MAP3K13: variants seen among roughly 807,000 people sequenced by gnomAD.
MAP3K13 encodes the protein leucine zipper-bearing kinase.
MAP3K13 carries 52 observed loss-of-function variants against 104.0 expected under a neutral mutation model. The observed-to-expected ratio is 0.50, with a 90% CI of 0.40 to 0.63. MAP3K13 has a LOEUF of 0.63. Among genes scored for constraint, MAP3K13 ranks in the 20% least tolerant of loss-of-function variants. MAP3K13 has a pLI of 0.00. For missense variants in MAP3K13, 914 were observed against 1,218.5 expected, an observed-to-expected ratio of 0.75 and a Z score of 3.72; for synonymous variants, 394 against 442.2, an observed-to-expected ratio of 0.89 and a Z score of 1.37.
intron 2 of MAP3K13, among the ~76,000 whole-genome samples, chr3:185,290,258 A>G (rs1192510218): frequency 6.6e-6 from 1 of 152,204 alleles, no homozygotes; most frequent in African/African-American, 2.4e-5. Context: ...AGTAATTCAT[A>G]TCCACTTTAC....
At chr3:185,294,419 CT>C (rs1462057013) in intron 2 of MAP3K13, among the ~76,000 whole-genome samples, 2 of 152,150 alleles carry the variant, frequency 1.3e-5, no homozygotes, top group African/African-American at 4.8e-5. Context: ...CCTGGAATTA[CT>C]TATTTAAACT....
chr3:185,444,342 A>AC (rs1213074865), intron 4 of MAP3K13, among the ~76,000 whole-genome samples: 1 of 56,848 alleles, frequency 1.8e-5, no homozygotes, highest in African/African-American at 3.8e-5. Context: ...TCTCAAAAAA[A>AC]AAATAATAAA....
chr3:185,418,573 G>T lies in MAP3K13; in HGVS notation c.-85-9924G>T, dbSNP rs1394910120. On this transcript the variant is annotated intron_variant, in intron 1 of 13. Coordinates refer to ENST00000265026, the MANE Select transcript of MAP3K13 (RefSeq NM_004721.5). This position sits in a 1 kb window ranked among gnomAD's most constrained non-coding sequence, Gnocchi z 4.5. ...GGGAATTCGAGCCATAGCTCTGCCA[G>T]TACCCCAAGACTCAGCACTGGTCTG... 5 of 1,612,372 alleles carry T rather than the reference G, an allele frequency of 3.1e-6. No homozygotes were observed. The highest frequency in any genetic ancestry group is 1.7e-5 in the Admixed American group (1 of 60,018).
At chr3:185,325,818 T>C (rs541496738) in intron 2 of MAP3K13, among the ~76,000 whole-genome samples, 48 of 152,336 alleles carry the variant, frequency 3.2e-4, no homozygotes, top group Non-Finnish European at 5.6e-4. Context: ...GACTACTTTT[T>C]TGGGCCTCAC....
chr3:185,423,912 C>T lies in MAP3K13; in HGVS notation c.-85-4585C>T, dbSNP rs918018748. ...AGTGCTCTTGTTCGCCCCTGATTTC[C>T]TTCCGTCTGTCACACGCCTTACCTT... On this transcript the variant is annotated intron_variant, in intron 1 of 13. Coordinates refer to ENST00000265026, the MANE Select transcript of MAP3K13 (RefSeq NM_004721.5). This position sits in a 1 kb window ranked among gnomAD's most constrained non-coding sequence, Gnocchi z 4.1. Among the ~76,000 whole-genome samples, 1 of 152,218 alleles carries T rather than the reference C, an allele frequency of 6.6e-6. No homozygotes were observed. Among genetic ancestry groups the T allele is most frequent in the African/African-American group, 2.4e-5 (1 of 41,452 alleles).
chr3:185,462,246 G>A (rs1717149569), intron 7 of MAP3K13, among the ~76,000 whole-genome samples: 1 of 152,134 alleles, frequency 6.6e-6, no homozygotes, highest in Non-Finnish European at 1.5e-5. Context: ...TATTCCAGTA[G>A]TGGTTTTTTT....
chr3:185,454,863 T>C (rs1716296202), intron 7 of MAP3K13, among the ~76,000 whole-genome samples: 1 of 55,248 alleles, frequency 1.8e-5, no homozygotes, highest in African/African-American at 5.2e-5. Context: ...ATACATGATA[T>C]ATATATGAGA....
At chr3:185,367,663 C>T (rs1378117761) in intron 1 of MAP3K13, among the ~76,000 whole-genome samples, 1 of 151,730 alleles carries the variant, frequency 6.6e-6, no homozygotes, top group Non-Finnish European at 1.5e-5. Flanking sequence ...GTGGCTTGAT[C>T]ACAGCTCCCT....
chr3:185,370,709 T>C (rs930330224), intron 1 of MAP3K13, among the ~76,000 whole-genome samples: 2 of 138,418 alleles, frequency 1.4e-5, no homozygotes, highest in Non-Finnish European at 3.0e-5. Flanking sequence ...CCATTATAAA[T>C]GTCAATTGTC....
At chr3:185,451,613 C>T (rs1437541341) in intron 7 of MAP3K13, 1 of 383,286 alleles carries the variant, frequency 2.6e-6, no homozygotes, top group Non-Finnish European at 4.8e-6. Context: ...ACGTGTTGGC[C>T]GGGTGCACTT....
intron 2 of MAP3K13, among the ~76,000 whole-genome samples, chr3:185,431,211 C>G (rs981401881): frequency 1.2e-4 from 19 of 152,140 alleles, no homozygotes; most frequent in African/African-American, 3.6e-4. Context: ...GAACACAGAG[C>G]CAAACTATAT....
At chr3:185,478,548 C>A (rs1480390424) in intron 12 of MAP3K13, among the ~76,000 whole-genome samples, 1 of 152,130 alleles carries the variant, frequency 6.6e-6, no homozygotes, top group African/African-American at 2.4e-5. Flanking sequence ...CAACTCACCC[C>A]ATCACCTGTC....
chr3:185,302,341 G>A (rs539389317), intron 2 of MAP3K13, among the ~76,000 whole-genome samples: 2 of 151,444 alleles, frequency 1.3e-5, no homozygotes, highest in East Asian at 3.9e-4. Flanking sequence ...TGAATCTGGG[G>A]GGCAGAGGTT....
chr3:185,354,060 A>G (rs975646174), intron 2 of MAP3K13, among the ~76,000 whole-genome samples: 3 of 152,154 alleles, frequency 2.0e-5, no homozygotes, highest in Non-Finnish European at 4.4e-5. Context: ...CAAGCGTGCC[A>G]ACTTGCCAAA....
intron 2 of MAP3K13, chr3:185,329,056 C>G: frequency 4.1e-6 from 2 of 490,370 alleles, no homozygotes; most frequent in Non-Finnish European, 7.3e-6. Flanking sequence ...CAAGTTTCTA[C>G]CTGGCTCTAA....
chr3:185,291,251 G>A (rs1375108819), intron 2 of MAP3K13, among the ~76,000 whole-genome samples: 1 of 152,092 alleles, frequency 6.6e-6, no homozygotes, highest in Non-Finnish European at 1.5e-5. Context: ...GAGATCAAAA[G>A]CTCTTTAAGA....
intron 1 of MAP3K13, among the ~76,000 whole-genome samples, chr3:185,373,020 T>G (rs1724233033): frequency 6.6e-6 from 1 of 152,306 alleles, no homozygotes; most frequent in East Asian, 1.9e-4. Context: ...CCAGAAATTC[T>G]TTACATTGAC....
At chr3:185,312,761 G>C (rs540090519) in intron 2 of MAP3K13, among the ~76,000 whole-genome samples, 2 of 152,062 alleles carry the variant, frequency 1.3e-5, no homozygotes, top group Non-Finnish European at 2.9e-5. Context: ...AGATAATAAA[G>C]TTCTCTAATG....
chr3:185,438,365 T>G (rs1386616505), intron 3 of MAP3K13, among the ~76,000 whole-genome samples: 6 of 152,128 alleles, frequency 3.9e-5, no homozygotes, highest in Non-Finnish European at 5.9e-5. Flanking sequence ...CAAAGAACAA[T>G]CAATCCTTGT....
Sources: gnomAD v4.1 joint callset for allele counts (sites outside exome capture counted in the v4.1 genomes callset) on GRCh38, gnomAD v4.1.1 for gene constraint, Gnocchi (gnomAD v3.1) non-coding constraint, MANE v1.5 for transcripts, NCBI Gene and HGNC (gene_info 2026-07-23, HGNC 2026-07-21) for gene names.